Variants in KCND3 observed in about 807,000 individuals in gnomAD.
KCND3 encodes the protein potassium voltage-gated channel subfamily D member 3.
In KCND3, 9 loss-of-function variants were observed where a neutral mutation model predicts 51.1. The ratio of observed to expected loss-of-function variants is 0.18; its 90% CI spans 0.11 to 0.31. The LOEUF is 0.31. Among genes scored for constraint, KCND3 ranks in the 10% least tolerant of loss-of-function variants. The probability of loss-of-function intolerance (pLI) is 1.00; values close to 1 mark genes in which losing one functional copy is unlikely to be tolerated. For synonymous variants in KCND3, 349 were observed against 368.0 expected (o/e 0.95, Z 0.59); for missense variants, 526 against 903.8 (o/e 0.58, Z 5.36).
chr1:111,909,876 C>T (rs905282568), intron 2 of KCND3: 1 of 152,174 alleles, frequency 6.6e-6, no homozygotes, highest in African/African-American at 2.4e-5. Flanking sequence ...TAATGCATGC[C>T]CACGTGCCCA....
chr1:111,867,620 A>T (rs928913712), intron 2 of KCND3, among the ~76,000 whole-genome samples: 1 of 152,022 alleles, frequency 6.6e-6, no homozygotes, highest in Non-Finnish European at 1.5e-5. Flanking sequence ...CACACTGGGG[A>T]GCAGTTCTTG....
At chr1:111,934,415 A>G (rs1454310556) in intron 2 of KCND3, among the ~76,000 whole-genome samples, 1 of 152,240 alleles carries the variant, frequency 6.6e-6, no homozygotes, top group Non-Finnish European at 1.5e-5. Flanking sequence ...GCTGATGACC[A>G]ATAGGATCAG....
chr1:111,775,946 A>G lies in KCND3; in HGVS notation c.*131T>C. On this transcript the variant is annotated 3_prime_UTR_variant, in exon 8 of 8. Coordinates refer to ENST00000302127, the MANE Select transcript of KCND3 (RefSeq NM_001378969.1). ...CTTTTTCCTTCCAGGCACAAGTCTC[A>G]GTGCTAGGGGTACAATGGGGCAGGC... 9.7e-7 allele frequency: 1 copy of G among 1,031,306 alleles called. No individual in the cohort carries two copies. The highest frequency in any genetic ancestry group is 1.9e-5 in the Admixed American group (1 of 51,600). 63.9% of individuals were successfully genotyped at this position (1,031,306 alleles called of 1,614,324 possible). A position where few individuals can be genotyped will look rare whatever the true frequency, so the allele number is the denominator to read the frequency against.
At chr1:111,827,743 T>C (rs568566391) in intron 2 of KCND3, among the ~76,000 whole-genome samples, 1 of 152,336 alleles carries the variant, frequency 6.6e-6, no homozygotes, top group African/African-American at 2.4e-5. Context: ...GTATATTATC[T>C]TCACTTTGCT....
chr1:111,969,213 C>G (rs1674190920), intron 2 of KCND3, among the ~76,000 whole-genome samples: 1 of 152,140 alleles, frequency 6.6e-6, no homozygotes, highest in Non-Finnish European at 1.5e-5. Flanking sequence ...CCTTGTCTCC[C>G]TTGACTCTGA....
At chr1:111,847,840 C>T (rs865832033) in intron 2 of KCND3, among the ~76,000 whole-genome samples, 1 of 152,100 alleles carries the variant, frequency 6.6e-6, no homozygotes, top group Admixed American at 6.5e-5. Flanking sequence ...CCCAGGACAG[C>T]GAAGGGGAAA....
chr1:111,907,503 A>G (rs1670703736), intron 2 of KCND3, among the ~76,000 whole-genome samples: 1 of 152,216 alleles, frequency 6.6e-6, no homozygotes, highest in African/African-American at 2.4e-5. Flanking sequence ...ACCCACAACC[A>G]TGTGAGTCAA....
At chr1:111,862,688 A>G (rs747205823) in intron 2 of KCND3, among the ~76,000 whole-genome samples, 1 of 152,230 alleles carries the variant, frequency 6.6e-6, no homozygotes, top group Non-Finnish European at 1.5e-5. Context: ...GGATGACCTT[A>G]ACCTCCCTTA....
intron 2 of KCND3, among the ~76,000 whole-genome samples, chr1:111,809,536 C>T (rs1464793742): frequency 1.3e-5 from 2 of 152,140 alleles, no homozygotes; most frequent in Non-Finnish European, 2.9e-5. Context: ...TCTCAATCTC[C>T]TGACCTCATG....
At chr1:111,827,588 G>A (rs943425059) in intron 2 of KCND3, among the ~76,000 whole-genome samples, 6 of 152,178 alleles carry the variant, frequency 3.9e-5, no homozygotes, top group African/African-American at 1.4e-4. Flanking sequence ...CATGCCAAGC[G>A]CTGGACTAAG....
intron 2 of KCND3, among the ~76,000 whole-genome samples, chr1:111,849,184 A>T (rs1667697855): frequency 6.6e-6 from 1 of 152,172 alleles, no homozygotes; most frequent in Non-Finnish European, 1.5e-5. Context: ...AGACACAGCA[A>T]ACTACCCAAA....
At chr1:111,825,685 T>G (rs1331892512) in intron 2 of KCND3, among the ~76,000 whole-genome samples, 1 of 152,208 alleles carries the variant, frequency 6.6e-6, no homozygotes, top group Non-Finnish European at 1.5e-5. Context: ...ATCATTGTAT[T>G]TTGTTTTCTT....
chr1:111,973,882 A>G (rs1472999588), intron 2 of KCND3, among the ~76,000 whole-genome samples: 2 of 152,226 alleles, frequency 1.3e-5, no homozygotes, highest in East Asian at 3.8e-4. Context: ...ACAGCATCAC[A>G]TTACAAAGGA....
At chr1:111,916,845 A>T (rs1217738889) in intron 2 of KCND3, among the ~76,000 whole-genome samples, 1 of 152,184 alleles carries the variant, frequency 6.6e-6, no homozygotes, top group African/African-American at 2.4e-5. Context: ...ACCAACACTC[A>T]CTCAAGAAGA....
chr1:111,879,347 C>T (rs1669199736), intron 2 of KCND3, among the ~76,000 whole-genome samples: 1 of 152,132 alleles, frequency 6.6e-6, no homozygotes, highest in Non-Finnish European at 1.5e-5. Context: ...ACCGGTGGTT[C>T]TGAGTCAAAG....
At chr1:111,848,505 T>C (rs1344661883) in intron 2 of KCND3, among the ~76,000 whole-genome samples, 1 of 152,174 alleles carries the variant, frequency 6.6e-6, no homozygotes, top group African/African-American at 2.4e-5. Flanking sequence ...GGTATCTGTC[T>C]ATATAGCTGC....
At chr1:111,893,700 C>T (rs1558003800) in intron 2 of KCND3, among the ~76,000 whole-genome samples, 1 of 152,124 alleles carries the variant, frequency 6.6e-6, no homozygotes, top group Non-Finnish European at 1.5e-5. Flanking sequence ...CAGAGGTGAA[C>T]AACCCAGGGC....
intron 2 of KCND3, among the ~76,000 whole-genome samples, chr1:111,821,281 CA>C (rs1187862943): frequency 1.3e-5 from 2 of 152,176 alleles, no homozygotes; most frequent in African/African-American, 4.8e-5. Context: ...CCAGCGAGGT[CA>C]TTTACCTTAC....
At chr1:111,927,748 T>A (rs1282365545) in intron 2 of KCND3, among the ~76,000 whole-genome samples, 2 of 152,204 alleles carry the variant, frequency 1.3e-5, no homozygotes, top group Non-Finnish European at 2.9e-5. Context: ...AGCCCTGCCC[T>A]AGGGGACAAG....
Sources: allele counts gnomAD v4.1 joint callset (sites outside exome capture counted in the v4.1 genomes callset), GRCh38; gene constraint gnomAD v4.1.1; transcripts MANE v1.5; gene names NCBI Gene and HGNC (gene_info 2026-07-23, HGNC 2026-07-21).